The following CALN1 variants were observed in gnomAD, a reference collection of about 807,000 sequenced individuals.
CALN1 encodes calneuron 1.
CALN1 carries 17 observed loss-of-function variants against 30.6 expected under a neutral mutation model. The ratio of observed to expected loss-of-function variants is 0.56; its 90% CI spans 0.38 to 0.83. The LOEUF (loss-of-function observed/expected upper bound fraction) is 0.83, where lower values mean the gene tolerates loss of function less well. CALN1 is among the 40% of genes least tolerant of loss of function. CALN1 has a pLI of 0.00. For missense variants in CALN1, 291 were observed against 354.9 expected (o/e 0.82, Z 1.45); for synonymous variants, 156 against 131.4 (o/e 1.19, Z -1.28).
intron 2 of CALN1, among the ~76,000 whole-genome samples, chr7:72,395,286 G>C (rs1334084356): frequency 6.6e-6 from 1 of 152,058 alleles, no homozygotes; most frequent in Non-Finnish European, 1.5e-5. Flanking sequence ...GTCCCCGGGA[G>C]AGAAAATAAA....
At position 72,227,559 on chromosome 7, in the gene CALN1, GAAAAAAGAAAA is replaced by G. The variant is rs1232352305; in HGVS notation, c.244+51116_244+51126del. 3.0e-3 allele frequency among the ~76,000 whole-genome samples: 381 copies of G among 128,516 alleles called. 3 individuals carry two copies. Among genetic ancestry groups the G allele is most frequent in the African/African-American group, 0.01 (361 of 34,912 alleles). The allele number at this position is 128,516 out of a possible 152,430, so 84.3% of individuals were successfully genotyped here. On this transcript the variant is annotated intron_variant, in intron 3 of 6. Coordinates refer to ENST00000395275, the MANE Select transcript of CALN1 (RefSeq NM_031468.4). ...CGTCTCAAAAAAAAAAGAAAAAAAA[GAAAAAAGAAAA>G]AAGGTGGTAACAATAGACATTGGGT... is the stretch of plus-strand genomic sequence containing the variant.
the CALN1 span, among the ~76,000 whole-genome samples, chr7:72,471,719 A>G: frequency 6.6e-6 from 1 of 152,230 alleles, no homozygotes; most frequent in Admixed American, 6.5e-5. Flanking sequence ...AATTCTCCCA[A>G]CATCGGTTAG....
intron 2 of CALN1, among the ~76,000 whole-genome samples, chr7:72,401,721 A>C (rs904969256): frequency 1.3e-5 from 2 of 152,206 alleles, no homozygotes. Context: ...ACAAATGAGG[A>C]AACATTTTTA....
At chr7:72,225,862 C>G (rs984644405) in intron 3 of CALN1, among the ~76,000 whole-genome samples, 3 of 152,090 alleles carry the variant, frequency 2.0e-5, no homozygotes, top group Admixed American at 6.6e-5. Flanking sequence ...CTTTGGGAGG[C>G]CGAGGCAGGC....
intron 3 of CALN1, among the ~76,000 whole-genome samples, chr7:72,174,400 T>C (rs1310350605): frequency 1.3e-5 from 2 of 152,136 alleles, no homozygotes; most frequent in Non-Finnish European, 1.5e-5. Flanking sequence ...CCAAGAGAAA[T>C]GGAAACATAT....
intron 3 of CALN1, among the ~76,000 whole-genome samples, chr7:72,122,137 G>C (rs1251150037): frequency 2.0e-5 from 3 of 151,904 alleles, no homozygotes; most frequent in African/African-American, 7.3e-5. Flanking sequence ...GGCAATATTG[G>C]ATGTGCCTCC....
At chr7:72,334,769 A>G (rs138693418) in intron 2 of CALN1, among the ~76,000 whole-genome samples, 67 of 152,356 alleles carry the variant, frequency 4.4e-4, no homozygotes, top group Non-Finnish European at 9.1e-4. Context: ...GGATTTCCAA[A>G]GAGTTTTGTT....
intron 2 of CALN1, among the ~76,000 whole-genome samples, chr7:72,400,907 T>G (rs542644129): frequency 4.6e-5 from 7 of 152,266 alleles, no homozygotes; most frequent in Middle Eastern, 6.8e-3. Flanking sequence ...GAAAGTGATC[T>G]GGAGATGGAA....
At chr7:71,938,500 T>C (rs1044997802) in intron 5 of CALN1, among the ~76,000 whole-genome samples, 1 of 151,906 alleles carries the variant, frequency 6.6e-6, no homozygotes, top group Non-Finnish European at 1.5e-5. Flanking sequence ...AGGAGCATTA[T>C]AAAAACGTAC....
At chr7:72,399,348 G>A (rs936434609) in intron 2 of CALN1, among the ~76,000 whole-genome samples, 3 of 137,782 alleles carry the variant, frequency 2.2e-5, no homozygotes, top group Non-Finnish European at 4.5e-5. Flanking sequence ...TTGGCTCACT[G>A]CAACATCCGC....
At chr7:71,985,010 G>A (rs1798589547) in intron 5 of CALN1, among the ~76,000 whole-genome samples, 1 of 152,152 alleles carries the variant, frequency 6.6e-6, no homozygotes, top group African/African-American at 2.4e-5. Flanking sequence ...TGTAGCTTGA[G>A]TTATTATTTC....
intron 4 of CALN1, among the ~76,000 whole-genome samples, chr7:72,046,678 C>T (rs1584819656): frequency 7.0e-6 from 1 of 143,664 alleles, no homozygotes; most frequent in East Asian, 2.1e-4. Flanking sequence ...CCATTGTACT[C>T]CAGCCTGGGC....
At chr7:72,465,707 T>C in the CALN1 span, among the ~76,000 whole-genome samples, 3 of 152,130 alleles carry the variant, frequency 2.0e-5, no homozygotes, top group East Asian at 5.8e-4. Flanking sequence ...TATACATGGA[T>C]CATTGAGGTC....
intron 2 of CALN1, among the ~76,000 whole-genome samples, chr7:72,342,589 G>T (rs989719649): frequency 7.9e-5 from 12 of 152,116 alleles, no homozygotes; most frequent in African/African-American, 2.7e-4. Context: ...CTCTAACCTA[G>T]AATAGTACAG....
At chr7:71,968,703 C>T (rs1303534253) in intron 5 of CALN1, among the ~76,000 whole-genome samples, 2 of 150,508 alleles carry the variant, frequency 1.3e-5, no homozygotes, top group African/African-American at 4.9e-5. Flanking sequence ...GAAATATTCT[C>T]TATCTTTAAT....
At chr7:72,371,640 A>G (rs1804248163) in intron 2 of CALN1, among the ~76,000 whole-genome samples, 2 of 152,306 alleles carry the variant, frequency 1.3e-5, no homozygotes, top group South Asian at 2.1e-4. Flanking sequence ...GCAGTTCTTT[A>G]TAGCAGCATA....
At chr7:72,162,986 G>T (rs1208732577) in intron 3 of CALN1, among the ~76,000 whole-genome samples, 1 of 152,206 alleles carries the variant, frequency 6.6e-6, no homozygotes, top group Non-Finnish European at 1.5e-5. Context: ...CCTCTGAACT[G>T]CTCAGGCACA....
intron 5 of CALN1, among the ~76,000 whole-genome samples, chr7:71,826,155 C>T (rs1788903463): frequency 6.6e-6 from 1 of 151,040 alleles, no homozygotes; most frequent in Non-Finnish European, 1.5e-5. Context: ...TATGGAGAGA[C>T]AGGAGGACAG....
chr7:72,231,847 G>GA (rs1794129086), intron 3 of CALN1, among the ~76,000 whole-genome samples: 1 of 152,136 alleles, frequency 6.6e-6, no homozygotes, highest in South Asian at 2.1e-4. Context: ...GTAGACTAAG[G>GA]AAAAGAGTGA....
Sources: gnomAD v4.1 joint callset for allele counts (sites outside exome capture counted in the v4.1 genomes callset) on GRCh38, gnomAD v4.1.1 for gene constraint, MANE v1.5 for transcripts, NCBI Gene and HGNC (gene_info 2026-07-23, HGNC 2026-07-21) for gene names.